DNAH11: variants seen among roughly 807,000 people sequenced by gnomAD.
The protein encoded by DNAH11 is axonemal beta dynein heavy chain 11.
DNAH11 carries 442 observed loss-of-function variants against 526.0 expected under a neutral mutation model. That is an observed-to-expected ratio of 0.84 (90% CI 0.78 to 0.91). The LOEUF (loss-of-function observed/expected upper bound fraction) is 0.91. Among genes scored for constraint, DNAH11 ranks in the 40% least tolerant of loss-of-function variants. DNAH11 has a pLI of 0.00. For missense variants in DNAH11, 6,989 were observed against 5,448.7 expected, an observed-to-expected ratio of 1.28 and a Z score of -8.90; for synonymous variants, 2,461 against 1,935.9, an observed-to-expected ratio of 1.27 and a Z score of -7.12.
intron 28 of DNAH11, among the ~76,000 whole-genome samples, chr7:21,647,120 A>G (rs1176735803): frequency 6.6e-6 from 1 of 152,254 alleles, no homozygotes; most frequent in Non-Finnish European, 1.5e-5. Flanking sequence ...TATGTGTGCT[A>G]GGACTTCCCA....
At chr7:21,672,822 G>C (rs925113128) in intron 30 of DNAH11, among the ~76,000 whole-genome samples, 4 of 152,074 alleles carry the variant, frequency 2.6e-5, no homozygotes, top group African/African-American at 9.7e-5. Context: ...GCCAGGACAG[G>C]AAAAAATGGG....
At chr7:21,763,993 C>G (rs1562532243) in intron 54 of DNAH11, among the ~76,000 whole-genome samples, 1 of 151,814 alleles carries the variant, frequency 6.6e-6, no homozygotes, top group Non-Finnish European at 1.5e-5. Flanking sequence ...TAGTCAAACT[C>G]CTAGAAACAG....
chr7:21,618,764 A>G (rs1381317849), intron 23 of DNAH11, among the ~76,000 whole-genome samples: 1 of 152,192 alleles, frequency 6.6e-6, no homozygotes, highest in Non-Finnish European at 1.5e-5. Context: ...TGGGATTTCA[A>G]CCAAATTATA....
intron 35 of DNAH11, 23 bp downstream of exon 35, chr7:21,690,904 T>C (rs1356871463): frequency 6.4e-7 from 1 of 1,560,380 alleles, no homozygotes; most frequent in Non-Finnish European, 8.8e-7. Context: ...CTTTGTGGCT[T>C]AGCATCTGGT....
intron 5 of DNAH11, among the ~76,000 whole-genome samples, chr7:21,562,024 G>A (rs1783478234): frequency 6.7e-6 from 1 of 150,092 alleles, no homozygotes; most frequent in Non-Finnish European, 1.5e-5. Context: ...AGATAAGGAG[G>A]AATATATACA....
rs1322617771 is a variant in DNAH11 at position 21,816,635 on chromosome 7, C to A, written c.10501C>A (p.Gln3501Lys). The A allele has an allele frequency of 1.9e-6, 3 of 1,613,638 alleles. 1 individual carries two copies. Among genetic ancestry groups the A allele is most frequent in the South Asian group, 2.2e-5 (2 of 91,038 alleles). ...GCCTCTGGTGATAGATCCCCAGCAA[C>A]AGGGAATTAAGTGGATCAAGAATAA... is the stretch of plus-strand genomic sequence containing the variant. ...RWPLVIDPQQQGIKWIKNKYG... is the reference protein window; with the variant it reads ...RWPLVIDPQQKGIKWIKNKYG... Residue 3501 changes from glutamine to lysine, a missense_variant, in exon 64 of 82, where the codon CAG becomes AAG. Coordinates refer to ENST00000409508, the MANE Select transcript of DNAH11 (RefSeq NM_001277115.2).
At position 21,570,105 on chromosome 7, in the gene DNAH11, G is replaced by C. The variant is rs769216360; in HGVS notation, c.1231G>C (p.Gly411Arg). 4 of 1,611,828 alleles carry C rather than the reference G, an allele frequency of 2.5e-6. No homozygotes were observed. The South Asian group carries it at 3.3e-5, about 13-fold the overall frequency. The change falls in exon 7 of 82, where the codon GGA becomes CGA. Residue 411 changes from glycine (G) to arginine (R), a missense_variant. By Grantham distance (125) the Gly-to-Arg change is moderately radical. Transcript: ENST00000409508. ...CCTTTCACCTGAGGACCTTTTGAGG[G>C]GAGAAATAGAAGAGTCACTGGAAAA... ...AYLSPEDLLR[G>R]EIEESLEKVQ...
At chr7:21,764,684 A>G (rs1273269419) in intron 54 of DNAH11, among the ~76,000 whole-genome samples, 1 of 152,178 alleles carries the variant, frequency 6.6e-6, no homozygotes, top group Admixed American at 6.5e-5. Context: ...TCTGTGACCT[A>G]CTGTCATAGC....
intron 76 of DNAH11, among the ~76,000 whole-genome samples, chr7:21,887,756 G>C (rs2128045380): frequency 6.6e-6 from 1 of 152,238 alleles, no homozygotes; most frequent in Middle Eastern, 3.4e-3. Flanking sequence ...GTAAATACCT[G>C]CTCTGTGCCA....
At chr7:21,824,349 C>G (rs1790183711) in intron 65 of DNAH11, among the ~76,000 whole-genome samples, 1 of 151,896 alleles carries the variant, frequency 6.6e-6, no homozygotes, top group Non-Finnish European at 1.5e-5. Context: ...CAAAGGTAGC[C>G]AATGTTCACA....
chr7:21,853,097 T>C (rs1399994767), intron 67 of DNAH11, among the ~76,000 whole-genome samples: 1 of 152,210 alleles, frequency 6.6e-6, no homozygotes, highest in African/African-American at 2.4e-5. Context: ...TGTACTCAAA[T>C]GCACTATTCA....
At chr7:21,752,539 T>A (rs1786458317) in intron 54 of DNAH11, among the ~76,000 whole-genome samples, 1 of 152,238 alleles carries the variant, frequency 6.6e-6, no homozygotes, top group Non-Finnish European at 1.5e-5. Context: ...TTTGTTTGTC[T>A]TTTAAATGTA....
chr7:21,631,770 A>T (rs955310893), intron 25 of DNAH11, among the ~76,000 whole-genome samples: 3 of 151,940 alleles, frequency 2.0e-5, no homozygotes, highest in African/African-American at 7.3e-5. Context: ...GCTGGTGTTG[A>T]GTATCTGCAG....
At position 21,867,890 on chromosome 7, in the gene DNAH11, T is replaced by G; in HGVS notation, c.11722T>G (p.Tyr3908Asp). The G allele has an allele frequency of 6.3e-7, 1 of 1,579,496 alleles. No homozygotes were observed. Among genetic ancestry groups the G allele is most frequent in the Non-Finnish European group, 8.6e-7 (1 of 1,161,354 alleles). The change falls in exon 72 of 82, where the codon TAT becomes GAT. Residue 3908 changes from tyrosine to aspartate, a missense_variant. Transcript: ENST00000409508. ...NFVEEKLGAK[Y>D]VERTRLDLVK... ...TGTAGAGGAAAAACTGGGTGCGAAG[T>G]ATGTGGAGAGGACCAGATTGGACTT...
intron 31 of DNAH11, 136 bp downstream of exon 31, chr7:21,681,813 T>C (rs2128472432): frequency 9.0e-7 from 1 of 1,109,912 alleles, no homozygotes; most frequent in East Asian, 2.4e-5. Flanking sequence ...GTTGTGTTTG[T>C]CTTGGGTGCA....
intron 65 of DNAH11, among the ~76,000 whole-genome samples, chr7:21,831,017 C>T (rs754023130): frequency 4.6e-5 from 7 of 152,168 alleles, no homozygotes; most frequent in Non-Finnish European, 7.4e-5. Context: ...GGAGCAGCCC[C>T]GTGCCAGATT....
intron 8 of DNAH11, 46 bp from the exon 9 acceptor site, chr7:21,581,859 G>A (rs1247221726): frequency 3.2e-6 from 4 of 1,246,098 alleles, no homozygotes; most frequent in African/African-American, 3.0e-5. Context: ...TATTTTCGCT[G>A]TTGGATTATT....
At chr7:21,701,528 A>G (rs1444877459) in intron 36 of DNAH11, among the ~76,000 whole-genome samples, 1 of 152,038 alleles carries the variant, frequency 6.6e-6, no homozygotes, top group African/African-American at 2.4e-5. Flanking sequence ...GGGCTGAAGC[A>G]ATCTGCCCGC....
chr7:21,553,318 A>G lies in DNAH11; in HGVS notation c.496-5484A>G, dbSNP rs56852335. 2.5e-3 allele frequency among the ~76,000 whole-genome samples: 375 copies of G among 152,240 alleles called. 3 individuals carry two copies. Among genetic ancestry groups the G allele is most frequent in the African/African-American group, 8.7e-3 (360 of 41,534 alleles). The stretch of plus-strand genomic sequence containing the variant: ...ATGTTAGTTTCTGCTTTAGGAACAT[A>G]TAAGAGTGACCAGTTTGTTTTGGTC... On this transcript the variant is annotated intron_variant, in intron 2 of 81. Coordinates refer to ENST00000409508, the MANE Select transcript of DNAH11 (RefSeq NM_001277115.2).
Sources: gnomAD v4.1 joint callset for allele counts (sites outside exome capture counted in the v4.1 genomes callset) on GRCh38, gnomAD v4.1.1 for gene constraint, MANE v1.5 for transcripts, NCBI Gene and HGNC (gene_info 2026-07-23, HGNC 2026-07-21) for gene names.